Variants in INSC observed in about 807,000 individuals in gnomAD.
INSC encodes the protein INSC spindle orientation adaptor protein.
Under a neutral mutation model 58.6 loss-of-function variants are expected in INSC, and 67 were observed. The observed-to-expected ratio is 1.14, with a 90% confidence interval of 0.94 to 1.40. The LOEUF (loss-of-function observed/expected upper bound fraction) is 1.40. INSC is among the 40% of genes most tolerant of loss of function. INSC has a pLI of 0.00. For missense variants in INSC, 714 were observed against 692.0 expected (o/e 1.03, Z -0.36); for synonymous variants, 262 against 276.1 (o/e 0.95, Z 0.51).
At chr11:15,183,127 C>T (rs556130897) in intron 5 of INSC, among the ~76,000 whole-genome samples, 6 of 152,104 alleles carry the variant, frequency 3.9e-5, no homozygotes, top group Middle Eastern at 6.8e-3. Flanking sequence ...GCAGGCAGAT[C>T]ACCTGAGGTT....
the INSC span, among the ~76,000 whole-genome samples, chr11:15,261,093 T>C: frequency 6.6e-6 from 1 of 152,180 alleles, no homozygotes; most frequent in African/African-American, 2.4e-5. Context: ...TTTGCTCACA[T>C]TGTAGAAGCA....
chr11:15,233,300 C>T (rs2133963767), intron 9 of INSC, among the ~76,000 whole-genome samples: 1 of 152,282 alleles, frequency 6.6e-6, no homozygotes, highest in South Asian at 2.1e-4. Context: ...AAACTGTCTG[C>T]CTGGCTCCTG....
Position 15,185,282 on chromosome 11 carries a change from T to C in INSC, c.580-5419T>C, listed in dbSNP as rs1244244375. Among the ~76,000 whole-genome samples the C allele has an allele frequency of 2.0e-5, 3 of 152,198 alleles. No individual in the cohort carries two copies. In the East Asian group the frequency reaches 5.8e-4, roughly 29 times the overall value. ...CACAAACTCCTCTCATTTCCCTCTATTGATTTATGGGAACAAGATTTTTCA... is the reference window on the plus strand; with the variant it reads ...CACAAACTCCTCTCATTTCCCTCTACTGATTTATGGGAACAAGATTTTTCA... On this transcript the variant is annotated intron_variant, in intron 5 of 12. Transcript: ENST00000379556.
chr11:15,190,139 A>C (rs1370720577), intron 5 of INSC, among the ~76,000 whole-genome samples: 1 of 152,060 alleles, frequency 6.6e-6, no homozygotes, highest in Admixed American at 6.6e-5. Context: ...TCTTGGCCTT[A>C]CCCCACAAGC....
intron 7 of INSC, among the ~76,000 whole-genome samples, chr11:15,217,574 G>T (rs186340444): frequency 6.6e-6 from 1 of 152,146 alleles, no homozygotes; most frequent in African/African-American, 2.4e-5. Flanking sequence ...ACTATGGTGA[G>T]CTGGGCTGTG....
rs1337588350 is a variant in INSC, at chr11:15,246,505, A to T, written c.*465A>T. 1.3e-5 allele frequency: 2 copies of T among 150,000 alleles called. No homozygotes were observed. The highest frequency in any genetic ancestry group is 3.0e-5 in the Non-Finnish European group (2 of 66,512). 9.3% of individuals were successfully genotyped at this position (150,000 alleles called of 1,614,324 possible). A position where few individuals can be genotyped will look rare whatever the true frequency, so the allele number is the denominator to read the frequency against. ...GGAAAGAAGTTTCTTTTTCTTTAAT[A>T]AATGGAATCATATAAAATGTATCCC... On this transcript the variant is annotated 3_prime_UTR_variant, in exon 13 of 13. Coordinates refer to ENST00000379556, the MANE Select transcript of INSC (RefSeq NM_001042536.3).
chr11:15,136,517 G>A (rs1848249546), intron 1 of INSC, among the ~76,000 whole-genome samples: 2 of 152,082 alleles, frequency 1.3e-5, no homozygotes, highest in African/African-American at 4.8e-5. Context: ...TTTCAAAATT[G>A]GAGTTAATCC....
chr11:15,178,139 C>T (rs1390630988), intron 4 of INSC, among the ~76,000 whole-genome samples, 185 bp from the exon 5 acceptor site: 4 of 152,278 alleles, frequency 2.6e-5, no homozygotes, highest in Admixed American at 6.5e-5. Flanking sequence ...CTCAGGCCAG[C>T]ACATCTCTGC....
rs531330993 is a variant in INSC, at chr11:15,222,969, G to C, written c.991+1321G>C. The stretch of plus-strand genomic sequence containing the variant: ...GTTACTTTCCTAAGGCCACAAAACA[G>C]CATTATGACTCACTTATGCCAGGAG... On this transcript the variant is annotated intron_variant, in intron 8 of 12. Coordinates refer to ENST00000379556, the MANE Select transcript of INSC (RefSeq NM_001042536.3). Among the ~76,000 whole-genome samples the C allele has an allele frequency of 2.0e-5, 3 of 152,252 alleles. No individual in the cohort carries two copies. In the East Asian group the frequency reaches 5.8e-4, roughly 29 times the overall value.
At chr11:15,238,341 G>C (rs1357082517) in intron 10 of INSC, among the ~76,000 whole-genome samples, 2 of 152,132 alleles carry the variant, frequency 1.3e-5, no homozygotes, top group Non-Finnish European at 2.9e-5. Flanking sequence ...TCAATATCCA[G>C]CTTAGGTTTG....
intron 1 of INSC, among the ~76,000 whole-genome samples, chr11:15,120,279 G>A (rs1200795331): frequency 6.6e-6 from 1 of 152,180 alleles, no homozygotes; most frequent in East Asian, 1.9e-4. Flanking sequence ...GGCGCTGGGG[G>A]TAGAGGTAAG....
intron 2 of INSC, among the ~76,000 whole-genome samples, chr11:15,164,359 A>T (rs1792534): frequency 0.4 from 60,996 of 151,912 alleles, 13,350 homozygotes; most frequent in East Asian, 0.85. Context: ...GTCCAAAAAT[A>T]TGATGACCTG....
intron 7 of INSC, among the ~76,000 whole-genome samples, chr11:15,218,084 A>T (rs1589981874): frequency 6.6e-6 from 1 of 152,232 alleles, no homozygotes; most frequent in African/African-American, 2.4e-5. Flanking sequence ...TTAGAAGAAT[A>T]TTTATAGCAG....
intron 2 of INSC, among the ~76,000 whole-genome samples, chr11:15,168,734 T>C (rs975578149): frequency 5.9e-5 from 9 of 152,158 alleles, no homozygotes; most frequent in African/African-American, 1.9e-4. Flanking sequence ...CACAAACTTA[T>C]GTTGTTAAAA....
chr11:15,248,747 C>G (rs868268), downstream of INSC, among the ~76,000 whole-genome samples: 2,833 of 152,220 alleles, frequency 0.019, 82 homozygotes, highest in African/African-American at 0.064. Context: ...TACACTGCAA[C>G]CTTTATTATG....
the INSC span, among the ~76,000 whole-genome samples, chr11:15,269,490 T>A: frequency 6.6e-6 from 1 of 151,992 alleles, no homozygotes; most frequent in Non-Finnish European, 1.5e-5. Flanking sequence ...GTGGTACTTT[T>A]TTTTATCCAT....
chr11:15,213,685 G>GTC lies in INSC; in HGVS notation c.820-7778_820-7777dup, dbSNP rs143109525. Among the ~76,000 whole-genome samples, 16 of 150,870 alleles carry GTC rather than the reference G, an allele frequency of 1.1e-4. No individual in the cohort carries two copies. In the East Asian group the frequency reaches 1.4e-3, roughly 13 times the overall value. On this transcript the variant is annotated intron_variant, in intron 7 of 12. Coordinates refer to ENST00000379556, the MANE Select transcript of INSC (RefSeq NM_001042536.3). ...TCATCCCTGCTTTCTCTGCCTATATGTCTCTCTCTCTCTCTACCTCACTGA... is the reference window on the plus strand; with the variant it reads ...TCATCCCTGCTTTCTCTGCCTATATGTCTCTCTCTCTCTCTCTACCTCACTGA...
chr11:15,269,000 G>A, the INSC span, among the ~76,000 whole-genome samples: 2 of 152,066 alleles, frequency 1.3e-5, no homozygotes, highest in Non-Finnish European at 2.9e-5. Flanking sequence ...AGAAATACAA[G>A]GTATTCTGCA....
intron 2 of INSC, among the ~76,000 whole-genome samples, chr11:15,163,824 C>A (rs1363689066): frequency 6.6e-6 from 1 of 152,196 alleles, no homozygotes; most frequent in Non-Finnish European, 1.5e-5. Context: ...GATCTCCTGA[C>A]CTCATGATTC....
Sources: gnomAD v4.1 joint callset for allele counts (sites outside exome capture counted in the v4.1 genomes callset) on GRCh38, gnomAD v4.1.1 for gene constraint, MANE v1.5 for transcripts, NCBI Gene and HGNC (gene_info 2026-07-23, HGNC 2026-07-21) for gene names.